Variants in RAC1 observed in about 807,000 individuals in gnomAD.
RAC1 encodes Rac family small GTPase 1.
Under a neutral mutation model 25.2 loss-of-function variants are expected in RAC1, and 2 were observed. The ratio of observed to expected loss-of-function variants is 0.08; its 90% CI spans 0.03 to 0.25. The LOEUF is 0.25. Among genes scored for constraint, RAC1 ranks in the 10% least tolerant of loss-of-function variants. The probability of loss-of-function intolerance (pLI) is 1.00; values close to 1 mark genes in which losing one functional copy is unlikely to be tolerated. For missense variants in RAC1, 50 were observed against 235.7 expected, an observed-to-expected ratio of 0.21 and a Z score of 5.16; for synonymous variants, 88 against 94.0, an observed-to-expected ratio of 0.94 and a Z score of 0.37.
At chr7:6,388,166 G>A (rs757446829) in intron 2 of RAC1, among the ~76,000 whole-genome samples, 3 of 151,832 alleles carry the variant, frequency 2.0e-5, no homozygotes, top group Non-Finnish European at 2.9e-5. Flanking sequence ...TGGGTTACCC[G>A]GGAGCGCACG....
intron 2 of RAC1, among the ~76,000 whole-genome samples, chr7:6,389,921 A>T (rs1418763581): frequency 3.3e-5 from 5 of 150,280 alleles, no homozygotes; most frequent in African/African-American, 1.2e-4. Flanking sequence ...CTGATGGAAC[A>T]TTTCCTTCCT....
chr7:6,386,079 G>A (rs970177566), intron 1 of RAC1, among the ~76,000 whole-genome samples: 4 of 152,262 alleles, frequency 2.6e-5, no homozygotes, highest in Non-Finnish European at 2.9e-5. Context: ...TCTGCCTGGC[G>A]GCACACTGGT....
chr7:6,395,707 A>G (rs902370172), intron 3 of RAC1, among the ~76,000 whole-genome samples: 4 of 152,046 alleles, frequency 2.6e-5, no homozygotes, highest in Non-Finnish European at 2.9e-5. Flanking sequence ...CACCTCCACC[A>G]GGGCGAAGCT....
intron 1 of RAC1, among the ~76,000 whole-genome samples, chr7:6,377,428 T>G (rs1299940263): frequency 3.9e-5 from 6 of 151,936 alleles, no homozygotes; most frequent in Non-Finnish European, 8.8e-5. Flanking sequence ...ACCCTGTCTC[T>G]GCTAAAAATA....
At chr7:6,375,278 C>T (rs1174555519) in intron 1 of RAC1, among the ~76,000 whole-genome samples, 1 of 151,950 alleles carries the variant, frequency 6.6e-6, no homozygotes, top group Non-Finnish European at 1.5e-5. Context: ...TTTTCATAGA[C>T]GGGGTCTCGC....
intron 1 of RAC1, among the ~76,000 whole-genome samples, chr7:6,383,784 C>CTTTTTTTTTTTTTTTTTTTTTTTTTTTTT (rs34847745): frequency 2.5e-5 from 1 of 39,802 alleles, no homozygotes; most frequent in African/African-American, 8.5e-5. Flanking sequence ...CAACCTTTAT[C>CTTTTTTTTTTTTTTTTTTTTTTTTTTTTT]TTTTTTTTTT....
chr7:6,385,075 G>A (rs1291970642), intron 1 of RAC1, among the ~76,000 whole-genome samples: 1 of 152,152 alleles, frequency 6.6e-6, no homozygotes, highest in Non-Finnish European at 1.5e-5. Flanking sequence ...CAAAGTGCTA[G>A]GATTACAGGC....
chr7:6,379,422 G>A (rs1021248019), intron 1 of RAC1, among the ~76,000 whole-genome samples: 2 of 151,822 alleles, frequency 1.3e-5, no homozygotes, highest in Non-Finnish European at 2.9e-5. Context: ...TTACAGTCAC[G>A]CTCCACCACA....
chr7:6,398,557 G>A lies in RAC1; in HGVS notation c.226-1569G>A, dbSNP rs889188032. On this transcript the variant is annotated intron_variant, in intron 3 of 5. Transcript: ENST00000348035. ...CTATTGTATGCTTTTGGATCTCTCC[G>A]GAGGGTTAAGACAAAATTCTAATAA... 2.2e-5 allele frequency: 21 copies of A among 975,254 alleles called. No individual in the cohort carries two copies. The East Asian group carries it at 5.0e-4, about 23-fold the overall frequency. 60.4% of individuals were successfully genotyped at this position (975,254 alleles called of 1,614,324 possible).
At chr7:6,396,014 C>T (rs1488456081) in intron 3 of RAC1, among the ~76,000 whole-genome samples, 1 of 152,142 alleles carries the variant, frequency 6.6e-6, no homozygotes, top group Non-Finnish European at 1.5e-5. Context: ...GCAGCCCTGG[C>T]TACACTTACC....
At chr7:6,389,072 C>T (rs1783007422) in intron 2 of RAC1, among the ~76,000 whole-genome samples, 2 of 151,910 alleles carry the variant, frequency 1.3e-5, no homozygotes, top group African/African-American at 4.8e-5. Context: ...TGTGGTGGTG[C>T]ACTCCTGTAG....
intron 1 of RAC1, among the ~76,000 whole-genome samples, 190 bp downstream of exon 1, chr7:6,374,960 G>C (rs1051772491): frequency 1.3e-5 from 2 of 151,702 alleles, no homozygotes; most frequent in African/African-American, 4.8e-5. Flanking sequence ...GGCGGCGCGT[G>C]CCTGGTTCCG....
At chr7:6,381,380 T>A (rs1295791972) in intron 1 of RAC1, among the ~76,000 whole-genome samples, 3 of 145,630 alleles carry the variant, frequency 2.1e-5, no homozygotes, top group Non-Finnish European at 4.5e-5. Context: ...CTAGTGGTAA[T>A]AATTGCTGGC....
intron 1 of RAC1, among the ~76,000 whole-genome samples, chr7:6,380,671 T>C (rs1301434605): frequency 6.6e-6 from 1 of 152,180 alleles, no homozygotes; most frequent in African/African-American, 2.4e-5. Context: ...TTTCCTGCAA[T>C]GTCTTAATAT....
At chr7:6,386,434 C>T (rs1191324676) in intron 1 of RAC1, among the ~76,000 whole-genome samples, 3 of 152,032 alleles carry the variant, frequency 2.0e-5, no homozygotes, top group African/African-American at 4.8e-5. Context: ...CCACTTAAGG[C>T]AGCAGAATAA....
At chr7:6,391,036 A>G (rs778463922) in intron 2 of RAC1, among the ~76,000 whole-genome samples, 3 of 152,028 alleles carry the variant, frequency 2.0e-5, no homozygotes, top group Non-Finnish European at 2.9e-5. Flanking sequence ...AGCTGGGACT[A>G]CAGGTGCCTG....
rs35767264 is a variant in RAC1 at position 6,375,029 on chromosome 7, C to T, written c.35+259C>T. On this transcript the variant is annotated intron_variant, in intron 1 of 5. Coordinates refer to ENST00000348035, the MANE Select transcript of RAC1 (RefSeq NM_006908.5). ...GCTAGAGGGAAAAGTGAACTCCACC[C>T]TCCGGCTTTCTTCCCGGACGCCGCC... Among the ~76,000 whole-genome samples the T allele has an allele frequency of 6.6e-4, 100 of 151,760 alleles. 1 individual carries two copies. The highest frequency in any genetic ancestry group is 2.2e-3 in the African/African-American group (91 of 41,440).
At chr7:6,375,147 C>T (rs1323771451) in intron 1 of RAC1, among the ~76,000 whole-genome samples, 3 of 152,068 alleles carry the variant, frequency 2.0e-5, no homozygotes, top group East Asian at 1.9e-4. Context: ...TTTGCATGAA[C>T]CTCTCGATCC....
Position 6,374,707 on chromosome 7 carries a change from C to T in RAC1, c.-29C>T. The T allele has an allele frequency of 2.7e-6, 3 of 1,095,406 alleles. No homozygotes were observed. The highest frequency in any genetic ancestry group is 3.3e-6 in the Non-Finnish European group (3 of 898,728). 67.9% of individuals were successfully genotyped at this position (1,095,406 alleles called of 1,614,324 possible). A position where few individuals can be genotyped will look rare whatever the true frequency, so the allele number is the denominator to read the frequency against. On this transcript the variant is annotated 5_prime_UTR_variant, in exon 1 of 6. Transcript: ENST00000348035. ...CGCTTCCTATCTCAGCGCCCTGCCG[C>T]CGCCGCCGCGGCCCAGCGAGCGGCC...
Sources: allele counts gnomAD v4.1 joint callset (sites outside exome capture counted in the v4.1 genomes callset), GRCh38; gene constraint gnomAD v4.1.1; transcripts MANE v1.5; gene names NCBI Gene and HGNC (gene_info 2026-07-23, HGNC 2026-07-21).